PSMC6: variants seen among roughly 807,000 people sequenced by gnomAD.
PSMC6 encodes proteasome 26S subunit, ATPase 6.
In PSMC6, 3 loss-of-function variants were observed where a neutral mutation model predicts 55.9. The ratio of observed to expected loss-of-function variants is 0.05; its 90% CI spans 0.02 to 0.14. PSMC6 has a LOEUF of 0.14. Among genes scored for constraint, PSMC6 ranks in the 10% least tolerant of loss-of-function variants. PSMC6 has a pLI of 1.00. For missense variants in PSMC6, 210 were observed against 478.7 expected (o/e 0.44, Z 5.24); for synonymous variants, 137 against 155.9 (o/e 0.88, Z 0.90).
intron 13 of PSMC6, among the ~76,000 whole-genome samples, chr14:52,725,282 T>A (rs1162402557): frequency 6.6e-6 from 1 of 152,186 alleles, no homozygotes; most frequent in African/African-American, 2.4e-5. Flanking sequence ...TTTTTTTCCT[T>A]ACATATTCTT....
intron 12 of PSMC6, chr14:52,723,429 T>G (rs1038895491): frequency 1.3e-5 from 2 of 153,360 alleles, no homozygotes; most frequent in African/African-American, 4.8e-5. Context: ...GATCTGATAC[T>G]TCACCACTTG....
At chr14:52,713,350 T>G (rs2041795883) in intron 6 of PSMC6, among the ~76,000 whole-genome samples, 1 of 152,242 alleles carries the variant, frequency 6.6e-6, no homozygotes, top group Admixed American at 6.5e-5. Context: ...GAACATACTG[T>G]TCTTTAAAAG....
At chr14:52,717,170 T>C (rs12587871) in intron 7 of PSMC6, among the ~76,000 whole-genome samples, 71,534 of 151,874 alleles carry the variant, frequency 0.47, 17,100 homozygotes, top group Middle Eastern at 0.56. Context: ...GCATGTGAGG[T>C]GATGGATATG....
chr14:52,708,851 G>T, intron 4 of PSMC6, 35 bp downstream of exon 4: 2 of 1,605,648 alleles, frequency 1.2e-6, no homozygotes, highest in South Asian at 2.3e-5. Context: ...CCTGATGATT[G>T]ACAAAGCAGT....
chr14:52,719,086 T>A (rs894375251), intron 10 of PSMC6, 48 bp downstream of exon 10: 2 of 1,430,702 alleles, frequency 1.4e-6, no homozygotes, highest in African/African-American at 2.8e-5. Flanking sequence ...GTTTATTAAA[T>A]GAAGAACTGA....
At chr14:52,722,468 A>T (rs563709692) in intron 12 of PSMC6, 48 of 151,844 alleles carry the variant, frequency 3.2e-4, no homozygotes, top group African/African-American at 1.1e-3. Flanking sequence ...GGCCCTATAT[A>T]TATGTGTACT....
intron 9 of PSMC6, 45 bp downstream of exon 9, chr14:52,718,397 A>T: frequency 6.4e-7 from 1 of 1,562,714 alleles, no homozygotes. Context: ...TTTTTTTTAA[A>T]TGTAAAAGAA....
chr14:52,720,221 C>CAAAA (rs2041874150), intron 10 of PSMC6, among the ~76,000 whole-genome samples: 7 of 55,458 alleles, frequency 1.3e-4, no homozygotes, highest in South Asian at 6.3e-4. Flanking sequence ...GAGTCTGTCT[C>CAAAA]CAAAAAAAAA....
chr14:52,708,713 AT>A, intron 3 of PSMC6, 50 bp from the exon 4 acceptor site: 1 of 1,608,506 alleles, frequency 6.2e-7, no homozygotes, highest in Non-Finnish European at 8.5e-7. Context: ...GTGGGTATGT[AT>A]TTTTTTACTT....
Position 52,721,095 on chromosome 14 carries a change from A to T in PSMC6, c.899-15A>T. The T allele has an allele frequency of 6.3e-7, 1 of 1,582,734 alleles. No individual in the cohort carries two copies. The highest frequency in any genetic ancestry group is 1.4e-5 in the African/African-American group (1 of 73,148). On this transcript the variant is annotated splice_polypyrimidine_tract_variant and intron_variant, in intron 11 of 13. Coordinates refer to ENST00000445930, the MANE Select transcript of PSMC6 (RefSeq NM_002806.5). ...AAAGATAAAACTGGACTATAAAATAATTTTTTATTTTCAGATATTGATTTG... is the reference window on the plus strand; with the variant it reads ...AAAGATAAAACTGGACTATAAAATATTTTTTTATTTTCAGATATTGATTTG...
rs1566655697 is a variant in PSMC6, at chr14:52,708,539, C to CT, written c.205+19dup. 6.2e-7 allele frequency: 1 copy of CT among 1,607,958 alleles called. No individual in the cohort carries two copies. On this transcript the variant is annotated intron_variant, in intron 3 of 13. Coordinates refer to ENST00000445930, the MANE Select transcript of PSMC6 (RefSeq NM_002806.5). ...AAGAAAAATGTGAGTGATGAATTAG[C>CT]TTATTAATTAGTAAAGAAACAGTCC...
At chr14:52,709,625 G>A (rs1279742181) in intron 4 of PSMC6, 3 of 455,826 alleles carry the variant, frequency 6.6e-6, no homozygotes, top group Non-Finnish European at 1.3e-5. Flanking sequence ...CAGGTTGCAT[G>A]AGGACAAGAC....
In PSMC6 at chr14:52,727,902, G is replaced by GTC. The variant is rs1566663481; in HGVS notation, c.*286_*287insCT. 1 of 245,082 alleles carries GTC rather than the reference G, an allele frequency of 4.1e-6. No individual in the cohort carries two copies. Among genetic ancestry groups the GTC allele is most frequent in the East Asian group, 9.6e-5 (1 of 10,364 alleles). 15.2% of individuals were successfully genotyped at this position (245,082 alleles called of 1,614,324 possible). A position where few individuals can be genotyped will look rare whatever the true frequency, so the allele number is the denominator to read the frequency against. Reference sequence around the variant, plus strand: ...ATATTGAAAGTGGTTTGAGATAGTGGTATAAGAAAGCATTTCTTATGACTT... The same window carrying GTC: ...ATATTGAAAGTGGTTTGAGATAGTGGTCTATAAGAAAGCATTTCTTATGACTT... On this transcript the variant is annotated 3_prime_UTR_variant, in exon 14 of 14. Transcript: ENST00000445930.
At chr14:52,718,547 G>C (rs1280649213) in intron 9 of PSMC6, 195 bp downstream of exon 9, 1 of 555,864 alleles carries the variant, frequency 1.8e-6, no homozygotes, top group African/African-American at 1.9e-5. Flanking sequence ...CCAGCACTTT[G>C]AGAGGCCAAG....
At chr14:52,727,325 G>A (rs747803634) in intron 13 of PSMC6, among the ~76,000 whole-genome samples, 174 bp from the exon 14 acceptor site, 14 of 151,886 alleles carry the variant, frequency 9.2e-5, no homozygotes, top group Non-Finnish European at 1.9e-4. Flanking sequence ...CACCGCACCC[G>A]GCCTGTGGAT....
Position 52,728,226 on chromosome 14 carries a change from CATT to C in PSMC6, c.*610_*612del, listed in dbSNP as rs1284933891. 1 of 152,186 alleles carries C rather than the reference CATT, an allele frequency of 6.6e-6. No individual in the cohort carries two copies. The highest frequency in any genetic ancestry group is 1.5e-5 in the Non-Finnish European group (1 of 68,074). 9.4% of individuals were successfully genotyped at this position (152,186 alleles called of 1,614,324 possible). ...ATTCTTCATCTACTGTGATTAAGCT[CATT>C]GTTGGTTAATTGAAAATATACATGC... On this transcript the variant is annotated 3_prime_UTR_variant, in exon 14 of 14. Coordinates refer to ENST00000445930, the MANE Select transcript of PSMC6 (RefSeq NM_002806.5).
intron 6 of PSMC6, among the ~76,000 whole-genome samples, chr14:52,712,703 A>T (rs531513210): frequency 2.7e-4 from 41 of 151,888 alleles, no homozygotes; most frequent in African/African-American, 9.4e-4. Flanking sequence ...GCTCACTGCA[A>T]CCTCTACCTC....
chr14:52,718,892 C>T (rs1261424917), intron 9 of PSMC6, 85 bp from the exon 10 acceptor site: 1 of 1,032,120 alleles, frequency 9.7e-7, no homozygotes, highest in African/African-American at 1.6e-5. Context: ...TGTTTTAAGC[C>T]ACAGACTGTT....
In PSMC6 at chr14:52,710,716, G is replaced by A. The variant is rs1000077396; in HGVS notation, c.259-385G>A. 6 of 233,830 alleles carry A rather than the reference G, an allele frequency of 2.6e-5. No individual in the cohort carries two copies. The East Asian group carries it at 8.0e-4, about 31-fold the overall frequency. The allele number at this position is 233,830 out of a possible 1,614,324, so 14.5% of individuals were successfully genotyped here. On this transcript the variant is annotated intron_variant, in intron 4 of 13. Transcript: ENST00000445930. Reference sequence around the variant, plus strand: ...ATTTAACACATTCTTCCCAGAAGCTGTACATTTCAAAATAAATCTGATGAG... The same window carrying A: ...ATTTAACACATTCTTCCCAGAAGCTATACATTTCAAAATAAATCTGATGAG...
Sources: gnomAD v4.1 joint callset for allele counts (sites outside exome capture counted in the v4.1 genomes callset) on GRCh38, gnomAD v4.1.1 for gene constraint, MANE v1.5 for transcripts, NCBI Gene and HGNC (gene_info 2026-07-23, HGNC 2026-07-21) for gene names.